Variants in DNAJC17 observed in about 807,000 individuals in gnomAD.
DNAJC17 encodes the protein dnaJ homolog subfamily C member 17.
Under a neutral mutation model 48.1 loss-of-function variants are expected in DNAJC17, and 35 were observed. The observed-to-expected ratio is 0.73, with a 90% CI of 0.56 to 0.96. The LOEUF is 0.96. Ranked by LOEUF, DNAJC17 falls within the 50% of genes least tolerant of loss-of-function variation. The probability of loss-of-function intolerance (pLI) is 0.00; values close to 1 mark genes in which losing one functional copy is unlikely to be tolerated. For missense variants in DNAJC17, 355 were observed against 377.1 expected, an observed-to-expected ratio of 0.94 and a Z score of 0.48; for synonymous variants, 117 against 142.7, an observed-to-expected ratio of 0.82 and a Z score of 1.28.
intron 4 of DNAJC17, chr15:40,777,019 T>A (rs551589911): frequency 4.6e-6 from 1 of 218,166 alleles, no homozygotes; most frequent in East Asian, 1.1e-4. Context: ...TTTGATTCTT[T>A]TCACACACTG....
intron 10 of DNAJC17, chr15:40,771,803 G>A (rs887919181): frequency 1.2e-5 from 2 of 167,220 alleles, no homozygotes; most frequent in Non-Finnish European, 1.5e-5. Context: ...CAGCAAAGGG[G>A]AGGCGCATAC....
At chr15:40,772,678 G>A (rs1889185197) in intron 10 of DNAJC17, among the ~76,000 whole-genome samples, 1 of 152,204 alleles carries the variant, frequency 6.6e-6, no homozygotes, top group Admixed American at 6.5e-5. Context: ...CCAGCCTGCT[G>A]AGGGGCTGTG....
intron 8 of DNAJC17, among the ~76,000 whole-genome samples, 164 bp from the exon 9 acceptor site, chr15:40,774,600 G>A (rs1026796061): frequency 6.6e-6 from 1 of 152,258 alleles, no homozygotes; most frequent in Non-Finnish European, 1.5e-5. Context: ...TCAGAGATAG[G>A]AAAGAAAGAA....
chr15:40,784,347 T>G (rs1889587099), intron 1 of DNAJC17, among the ~76,000 whole-genome samples: 1 of 152,244 alleles, frequency 6.6e-6, no homozygotes, highest in South Asian at 2.1e-4. Flanking sequence ...ATAAATATTC[T>G]TTTGTGTTTC....
chr15:40,776,324 G>A (rs762817372), intron 5 of DNAJC17, 32 bp from the exon 6 acceptor site: 4 of 1,603,648 alleles, frequency 2.5e-6, no homozygotes, highest in African/African-American at 1.3e-5. Context: ...TGACAATTCT[G>A]TGCAGGTCCA....
At chr15:40,788,790 T>C (rs1307778954) in intron 1 of DNAJC17, among the ~76,000 whole-genome samples, 1 of 152,100 alleles carries the variant, frequency 6.6e-6, no homozygotes, top group Non-Finnish European at 1.5e-5. Flanking sequence ...GAAGGATTAT[T>C]TGAGTCCACG....
At chr15:40,795,724 G>A (rs1336603302) in intron 1 of DNAJC17, among the ~76,000 whole-genome samples, 6 of 151,798 alleles carry the variant, frequency 4.0e-5, no homozygotes, top group African/African-American at 7.3e-5. Flanking sequence ...GTGAAACCCC[G>A]TCTCTACTAA....
rs1596067539 is a variant in DNAJC17, at chr15:40,766,100, C to G, written c.*1840G>C. The G allele has an allele frequency of 6.9e-6, 3 of 433,372 alleles. No homozygotes were observed. In the East Asian group the frequency reaches 1.1e-4, roughly 15 times the overall value. 26.8% of individuals were successfully genotyped at this position (433,372 alleles called of 1,614,324 possible). Reference sequence around the variant, plus strand: ...CTGTAGCCTCTCCAACATCCCCCCTCTCCCCCACGAGGCTTGCTCTGAAAG... The same window carrying G: ...CTGTAGCCTCTCCAACATCCCCCCTGTCCCCCACGAGGCTTGCTCTGAAAG... On this transcript the variant is annotated 3_prime_UTR_variant, in exon 11 of 11. Coordinates refer to ENST00000220496, the MANE Select transcript of DNAJC17 (RefSeq NM_018163.3).
At chr15:40,773,063 C>T (rs1382165508) in intron 10 of DNAJC17, among the ~76,000 whole-genome samples, 1 of 151,034 alleles carries the variant, frequency 6.6e-6, no homozygotes, top group Non-Finnish European at 1.5e-5. Context: ...CTGGTTCAAG[C>T]GATTCTCCTG....
At chr15:40,780,093 C>CT (rs973750700) in intron 1 of DNAJC17, 96 bp from the exon 2 acceptor site, 2 of 1,229,962 alleles carry the variant, frequency 1.6e-6, no homozygotes, top group African/African-American at 3.0e-5. Flanking sequence ...CCATGCACAC[C>CT]TAAAAGAGAA....
intron 4 of DNAJC17, among the ~76,000 whole-genome samples, chr15:40,778,082 C>T (rs1393973486): frequency 6.6e-6 from 1 of 151,908 alleles, no homozygotes; most frequent in Non-Finnish European, 1.5e-5. Flanking sequence ...GTCCCAGCTA[C>T]TCAGGAGGCC....
chr15:40,775,611 A>G lies in DNAJC17; in HGVS notation c.479-15T>C. On this transcript the variant is annotated splice_polypyrimidine_tract_variant and intron_variant, in intron 6 of 10. Coordinates refer to ENST00000220496, the MANE Select transcript of DNAJC17 (RefSeq NM_018163.3). ...TTCTGCCTTTCCTAGAAATATTGGG[A>G]AAAGAAGAAAAGTAGAATATGAGGG... is the stretch of plus-strand genomic sequence containing the variant. The G allele has an allele frequency of 6.2e-7, 1 of 1,612,362 alleles. No homozygotes were observed. The highest frequency in any genetic ancestry group is 1.3e-5 in the African/African-American group (1 of 74,992).
chr15:40,775,139 C>T, intron 7 of DNAJC17, 31 bp from the exon 8 acceptor site: 2 of 1,609,500 alleles, frequency 1.2e-6, no homozygotes, highest in South Asian at 2.2e-5. Flanking sequence ...AACACTGATT[C>T]TTGGCTGAAC....
chr15:40,770,716 C>G lies in DNAJC17; in HGVS notation c.793-2654G>C. ...CTGTGGGGGGACGAGCAGCCCCGGG[C>G]CACCCTGCTGGCCCCACCCAAGCCC... On this transcript the variant is annotated intron_variant, in intron 10 of 10. Coordinates refer to ENST00000220496, the MANE Select transcript of DNAJC17 (RefSeq NM_018163.3). This position sits in a 1 kb window ranked among gnomAD's most constrained non-coding sequence, Gnocchi z 5.0. 8 of 1,546,318 alleles carry G rather than the reference C, an allele frequency of 5.2e-6. No individual in the cohort carries two copies. Among genetic ancestry groups the G allele is most frequent in the Non-Finnish European group, 7.0e-6 (8 of 1,146,900 alleles).
chr15:40,773,597 G>A (rs1397970638), intron 10 of DNAJC17, 130 bp downstream of exon 10: 1 of 663,498 alleles, frequency 1.5e-6, no homozygotes, highest in Non-Finnish European at 2.6e-6. Context: ...CCTCTTGCCT[G>A]GGTTGGTGGA....
chr15:40,787,637 C>G (rs915912810), intron 1 of DNAJC17, among the ~76,000 whole-genome samples: 10 of 152,164 alleles, frequency 6.6e-5, no homozygotes, highest in Admixed American at 6.6e-4. Context: ...AGCCCTTCCC[C>G]GGAAGCTCTA....
At chr15:40,783,389 C>T (rs56229816) in intron 1 of DNAJC17, among the ~76,000 whole-genome samples, 3,622 of 152,298 alleles carry the variant, frequency 0.024, 141 homozygotes, top group African/African-American at 0.083. Flanking sequence ...CCTATCTCCA[C>T]CCTCTCTCTG....
Position 40,770,699 on chromosome 15 carries a change from G to A in DNAJC17, c.793-2637C>T. 2 of 1,547,744 alleles carry A rather than the reference G, an allele frequency of 1.3e-6. No homozygotes were observed. Among genetic ancestry groups the A allele is most frequent in the African/African-American group, 1.4e-5 (1 of 73,154 alleles). On this transcript the variant is annotated intron_variant, in intron 10 of 10. Transcript: ENST00000220496. The surrounding 1 kb of genome is among the most constrained non-coding windows in gnomAD (Gnocchi z 5.0). ...ATGGCCGGCGCCTGCCACTGTGGGG[G>A]GACGAGCAGCCCCGGGCCACCCTGC...
intron 9 of DNAJC17, chr15:40,774,112 C>T: frequency 3.3e-6 from 2 of 601,082 alleles, no homozygotes; most frequent in Non-Finnish European, 5.9e-6. Flanking sequence ...GGTGTGAAGG[C>T]ACCAGCAGGG....
Sources: gnomAD v4.1 joint callset for allele counts (sites outside exome capture counted in the v4.1 genomes callset) on GRCh38, gnomAD v4.1.1 for gene constraint, Gnocchi (gnomAD v3.1) non-coding constraint, MANE v1.5 for transcripts, NCBI Gene and HGNC (gene_info 2026-07-23, HGNC 2026-07-21) for gene names.